Variants in RGS21 observed in about 807,000 individuals in gnomAD.
RGS21 encodes regulator of G protein signaling 21, also known as regulator of G-protein signalling 21.
In RGS21, 19 loss-of-function variants were observed where a neutral mutation model predicts 18.7. That is an observed-to-expected ratio of 1.01 (90% CI 0.71 to 1.49). The LOEUF (loss-of-function observed/expected upper bound fraction) is 1.49, where lower values mean the gene tolerates loss of function less well. Ranked by LOEUF, RGS21 falls within the 40% of genes most tolerant of loss-of-function variation. The pLI, the probability that RGS21 is intolerant of heterozygous loss-of-function variation, is 0.00. For synonymous variants in RGS21, 56 were observed against 57.8 expected (o/e 0.97, Z 0.14); for missense variants, 194 against 176.8 (o/e 1.10, Z -0.55).
chr1:192,366,678 C>T lies in RGS21; in HGVS notation c.*554C>T, dbSNP rs60614061. 6.6e-6 allele frequency: 1 copy of T among 152,002 alleles called. No individual in the cohort carries two copies. The highest frequency in any genetic ancestry group is 1.9e-4 in the East Asian group (1 of 5,166). 9.4% of individuals were successfully genotyped at this position (152,002 alleles called of 1,614,324 possible). ...AATGTATACACATTTATATGTATGT[C>T]TTGAATGCACCATGGACCAAAGTTT... On this transcript the variant is annotated 3_prime_UTR_variant, in exon 5 of 5. Transcript: ENST00000417209.
chr1:192,330,907 T>A (rs1658637185), intron 1 of RGS21, among the ~76,000 whole-genome samples: 1 of 152,214 alleles, frequency 6.6e-6, no homozygotes, highest in Non-Finnish European at 1.5e-5. Context: ...ACACTTTGAA[T>A]TTGATGAGCT....
chr1:192,353,055 T>C (rs1659066342), intron 4 of RGS21, among the ~76,000 whole-genome samples: 1 of 151,970 alleles, frequency 6.6e-6, no homozygotes, highest in African/African-American at 2.4e-5. Flanking sequence ...CTATTACCAA[T>C]CATCTTTCAT....
chr1:192,364,828 T>A (rs569970831), intron 4 of RGS21, among the ~76,000 whole-genome samples: 1 of 152,170 alleles, frequency 6.6e-6, no homozygotes, highest in Non-Finnish European at 1.5e-5. Flanking sequence ...AGCTTTTAAT[T>A]TTAAGATTAA....
intron 2 of RGS21, among the ~76,000 whole-genome samples, chr1:192,345,218 A>G (rs529330980): frequency 1.3e-5 from 2 of 152,234 alleles, no homozygotes; most frequent in Non-Finnish European, 2.9e-5. Context: ...CTTAAAGGAC[A>G]CTGCCTTCTA....
intron 4 of RGS21, among the ~76,000 whole-genome samples, chr1:192,357,182 G>T (rs1409313038): frequency 1.3e-5 from 2 of 151,730 alleles, no homozygotes; most frequent in Non-Finnish European, 2.9e-5. Flanking sequence ...CCAGAAATTT[G>T]ACTATAGAGG....
At chr1:192,342,339 A>G (rs978325062) in intron 1 of RGS21, among the ~76,000 whole-genome samples, 4 of 152,094 alleles carry the variant, frequency 2.6e-5, no homozygotes, top group African/African-American at 9.7e-5. Flanking sequence ...TAAATATATT[A>G]GCCTTATTAC....
chr1:192,358,186 C>T (rs188479911), intron 4 of RGS21, among the ~76,000 whole-genome samples: 58 of 152,118 alleles, frequency 3.8e-4, no homozygotes, highest in African/African-American at 1.2e-3. Flanking sequence ...TCAGTTCTAT[C>T]TTTGCTTTGA....
chr1:192,352,690 G>A (rs1659061067), intron 4 of RGS21, among the ~76,000 whole-genome samples: 1 of 151,998 alleles, frequency 6.6e-6, no homozygotes, highest in Non-Finnish European at 1.5e-5. Flanking sequence ...TTCTTTGATG[G>A]TAAAATTGAG....
intron 3 of RGS21, among the ~76,000 whole-genome samples, chr1:192,351,837 TTA>T (rs990819411): frequency 2.0e-5 from 3 of 148,702 alleles, no homozygotes; most frequent in Admixed American, 6.8e-5. Context: ...GTTATATATG[TTA>T]TATATATGCT....
chr1:192,326,104 G>C (rs1344344136), intron 1 of RGS21, among the ~76,000 whole-genome samples: 1 of 151,934 alleles, frequency 6.6e-6, no homozygotes, highest in Non-Finnish European at 1.5e-5. Context: ...TTAAATATAA[G>C]GAATATGGAA....
At chr1:192,352,798 C>T (rs1659062687) in intron 4 of RGS21, among the ~76,000 whole-genome samples, 1 of 151,976 alleles carries the variant, frequency 6.6e-6, no homozygotes, top group Non-Finnish European at 1.5e-5. Flanking sequence ...CCTGCAATGA[C>T]TCTGTTAATA....
At chr1:192,357,637 A>G (rs1482327961) in intron 4 of RGS21, among the ~76,000 whole-genome samples, 1 of 151,998 alleles carries the variant, frequency 6.6e-6, no homozygotes. Context: ...TCTTCAGCCC[A>G]TACTTTTAAG....
In RGS21 at chr1:192,319,038, C is replaced by T. The variant is rs113603377; in HGVS notation, c.-61+1933C>T. 3.9e-3 allele frequency among the ~76,000 whole-genome samples: 591 copies of T among 151,828 alleles called. 8 individuals carry two copies. The highest frequency in any genetic ancestry group is 0.013 in the African/African-American group (548 of 41,432). On this transcript the variant is annotated intron_variant, in intron 1 of 4. Coordinates refer to ENST00000417209, the MANE Select transcript of RGS21 (RefSeq NM_001039152.3). ...TGAGGCTAGAAATTCAAGACCAGTC[C>T]GGGAAAATTAGCAAGGTCCCCTCTG...
intron 2 of RGS21, 33 bp downstream of exon 2, chr1:192,343,080 GA>G (rs1414668655): frequency 6.2e-7 from 1 of 1,606,202 alleles, no homozygotes; most frequent in Middle Eastern, 1.7e-4. Flanking sequence ...TTTTATCTCA[GA>G]AGATGTACAA....
chr1:192,356,840 A>G (rs1659118382), intron 4 of RGS21, among the ~76,000 whole-genome samples: 1 of 151,818 alleles, frequency 6.6e-6, no homozygotes, highest in Non-Finnish European at 1.5e-5. Context: ...ACTGTTAGCC[A>G]ACAGTGCTCC....
At chr1:192,339,471 T>C (rs1658824074) in intron 1 of RGS21, among the ~76,000 whole-genome samples, 2 of 152,084 alleles carry the variant, frequency 1.3e-5, no homozygotes, top group South Asian at 2.1e-4. Context: ...TATCTAAATG[T>C]TCTACATATC....
chr1:192,341,064 G>C (rs1048384602), intron 1 of RGS21, among the ~76,000 whole-genome samples: 1 of 152,030 alleles, frequency 6.6e-6, no homozygotes, highest in African/African-American at 2.4e-5. Context: ...TGGAGTCTTT[G>C]AGGAGACTAT....
chr1:192,341,944 T>C (rs1658868802), intron 1 of RGS21, among the ~76,000 whole-genome samples: 1 of 152,034 alleles, frequency 6.6e-6, no homozygotes, highest in Non-Finnish European at 1.5e-5. Flanking sequence ...TACTTAATGG[T>C]GCTTGAATTA....
chr1:192,333,668 T>C (rs1571452361), intron 1 of RGS21, among the ~76,000 whole-genome samples: 2 of 147,808 alleles, frequency 1.4e-5, no homozygotes, highest in Admixed American at 6.8e-5. Context: ...AGATGAGTGG[T>C]TTCCAGGGGT....
Sources: allele counts gnomAD v4.1 joint callset (sites outside exome capture counted in the v4.1 genomes callset), GRCh38; gene constraint gnomAD v4.1.1; transcripts MANE v1.5; gene names NCBI Gene and HGNC (gene_info 2026-07-23, HGNC 2026-07-21).